The following SNTG2 variants were observed in gnomAD, a reference collection of about 807,000 sequenced individuals.
The protein encoded by SNTG2 is syntrophin gamma 2.
A neutral mutation model predicts 70.9 loss-of-function variants in SNTG2; 74 were observed. The observed-to-expected ratio is 1.04, with a 90% CI of 0.86 to 1.27. The LOEUF is 1.27. SNTG2 is among the 50% of genes most tolerant of loss of function. The pLI, the probability that SNTG2 is intolerant of heterozygous loss-of-function variation, is 0.00. For synonymous variants in SNTG2, 278 were observed against 273.8 expected, an observed-to-expected ratio of 1.02 and a Z score of -0.15; for missense variants, 717 against 690.7, an observed-to-expected ratio of 1.04 and a Z score of -0.43.
chr2:1,151,609 A>G lies in SNTG2; in HGVS notation c.411+13800A>G, dbSNP rs558065960. On this transcript the variant is annotated intron_variant, in intron 6 of 16. Coordinates refer to ENST00000308624, the MANE Select transcript of SNTG2 (RefSeq NM_018968.4). ...GTTTCTTCCACTCTAGGAACCTTCA[A>G]TGCTTTCCTGTTCATATTTAGATTT... Among the ~76,000 whole-genome samples, 112 of 152,132 alleles carry G rather than the reference A, an allele frequency of 7.4e-4. 1 individual carries two copies. Among genetic ancestry groups the G allele is most frequent in the African/African-American group, 2.6e-3 (108 of 41,506 alleles).
chr2:1,292,887 C>G, intron 14 of SNTG2, among the ~76,000 whole-genome samples: 1 of 152,136 alleles, frequency 6.6e-6, no homozygotes, highest in Non-Finnish European at 1.5e-5. Flanking sequence ...ATATCCTTCT[C>G]TTCAGGTTTT....
rs1665482504 is a variant in SNTG2 at position 1,097,631 on chromosome 2, A to G, written c.211-565A>G. Reference sequence around the variant, plus strand: ...TTTTTACCATTTCACTAGCCAGTTAAAGGCCTATTGTGCTTTTAGCTTTTT... The same window carrying G: ...TTTTTACCATTTCACTAGCCAGTTAGAGGCCTATTGTGCTTTTAGCTTTTT... On this transcript the variant is annotated intron_variant, in intron 2 of 16. Coordinates refer to ENST00000308624, the MANE Select transcript of SNTG2 (RefSeq NM_018968.4). This position sits in a 1 kb window ranked among gnomAD's most constrained non-coding sequence, Gnocchi z 4.1. Among the ~76,000 whole-genome samples, 1 of 152,110 alleles carries G rather than the reference A, an allele frequency of 6.6e-6. No homozygotes were observed. Among genetic ancestry groups the G allele is most frequent in the Non-Finnish European group, 1.5e-5 (1 of 68,030 alleles).
At chr2:1,017,832 C>A (rs1290961092) in intron 1 of SNTG2, among the ~76,000 whole-genome samples, 1 of 152,174 alleles carries the variant, frequency 6.6e-6, no homozygotes, top group African/African-American at 2.4e-5. Flanking sequence ...TGGAATGCAT[C>A]AATAACTGTC....
At chr2:1,181,259 CAA>C (rs954066159) in intron 8 of SNTG2, among the ~76,000 whole-genome samples, 11 of 152,152 alleles carry the variant, frequency 7.2e-5, no homozygotes, top group Non-Finnish European at 1.2e-4. Flanking sequence ...TCTTTGCACT[CAA>C]GAGTGTGTTT....
At chr2:1,321,910 CTCCT>C (rs201525220) in intron 16 of SNTG2, among the ~76,000 whole-genome samples, 4,847 of 110,502 alleles carry the variant, frequency 0.044, 104 homozygotes, top group African/African-American at 0.078. Flanking sequence ...TCTTCCTTCC[CTCCT>C]TCCTTCCTTC....
chr2:1,349,664 A>T (rs1353590384), intron 16 of SNTG2, among the ~76,000 whole-genome samples: 1 of 152,124 alleles, frequency 6.6e-6, no homozygotes, highest in Non-Finnish European at 1.5e-5. Context: ...TACTTTTCTC[A>T]CCTTCATAAG....
intron 1 of SNTG2, among the ~76,000 whole-genome samples, chr2:984,534 C>T (rs745451743): frequency 7.2e-5 from 11 of 152,170 alleles, no homozygotes; most frequent in Admixed American, 2.6e-4. Flanking sequence ...CATCCCCTCT[C>T]GTCCTCCCTG....
intron 12 of SNTG2, among the ~76,000 whole-genome samples, chr2:1,257,850 TACTA>T (rs1362309808): frequency 6.6e-6 from 1 of 152,222 alleles, no homozygotes; most frequent in African/African-American, 2.4e-5. Context: ...ATGCTGATAT[TACTA>T]ACTATATTTT....
intron 1 of SNTG2, among the ~76,000 whole-genome samples, chr2:957,356 G>C (rs1273117487): frequency 6.6e-6 from 1 of 152,046 alleles, no homozygotes; most frequent in Non-Finnish European, 1.5e-5. Context: ...GAACGGTGGT[G>C]GGAAGTAGCT....
chr2:1,005,584 G>A (rs1572212838), intron 1 of SNTG2, among the ~76,000 whole-genome samples: 1 of 151,392 alleles, frequency 6.6e-6, no homozygotes, highest in Non-Finnish European at 1.5e-5. Context: ...CGGGTGGATC[G>A]CCTGAGGTCA....
chr2:1,275,962 C>A (rs752636082), intron 14 of SNTG2, among the ~76,000 whole-genome samples: 5 of 152,202 alleles, frequency 3.3e-5, no homozygotes, highest in African/African-American at 9.6e-5. Context: ...AACAAACCAG[C>A]CACAATACTC....
chr2:1,221,499 GTCTCTCTCTCTC>G (rs1024445414), intron 9 of SNTG2, among the ~76,000 whole-genome samples: 2 of 8,276 alleles, frequency 2.4e-4, no homozygotes, highest in African/African-American at 8.1e-4. Context: ...GTCTCTCTCT[GTCTCTCTCTCTC>G]TCTCTGTCTC....
chr2:1,287,573 G>A (rs938340338), intron 14 of SNTG2, among the ~76,000 whole-genome samples: 6 of 152,244 alleles, frequency 3.9e-5, no homozygotes, highest in Admixed American at 1.3e-4. Flanking sequence ...AGCAGCAGGG[G>A]GCCCGGAGTG....
chr2:1,247,731 G>A (rs745740011), intron 12 of SNTG2, among the ~76,000 whole-genome samples: 1 of 152,140 alleles, frequency 6.6e-6, no homozygotes, highest in Non-Finnish European at 1.5e-5. Context: ...CAGAGGCTCT[G>A]TGTCTTAGAG....
intron 16 of SNTG2, among the ~76,000 whole-genome samples, chr2:1,317,348 A>G (rs74367058): frequency 0.039 from 888 of 22,716 alleles, no homozygotes; most frequent in Middle Eastern, 0.071. Flanking sequence ...GGATTCTGGA[A>G]CATTTAGCAT....
At chr2:1,227,651 A>T (rs1452267619) in intron 9 of SNTG2, among the ~76,000 whole-genome samples, 2 of 152,082 alleles carry the variant, frequency 1.3e-5, no homozygotes, top group Non-Finnish European at 2.9e-5. Context: ...GGGGAAGCTG[A>T]GCTTGGGTCT....
At chr2:1,102,892 C>T (rs558874346) in intron 4 of SNTG2, among the ~76,000 whole-genome samples, 10 of 152,208 alleles carry the variant, frequency 6.6e-5, no homozygotes, top group Admixed American at 5.9e-4. Flanking sequence ...TCAGCTCACT[C>T]GCACCTTGAA....
intron 8 of SNTG2, among the ~76,000 whole-genome samples, chr2:1,203,664 A>AAACAAAC (rs1491137031): frequency 1.0e-4 from 6 of 57,222 alleles, no homozygotes; most frequent in African/African-American, 3.4e-4. Flanking sequence ...AAAAACAAAC[A>AAACAAAC]AAAAAAAAAA....
chr2:1,163,105 G>A (rs1670439725), intron 6 of SNTG2: 1 of 151,790 alleles, frequency 6.6e-6, no homozygotes, highest in African/African-American at 2.4e-5. Context: ...GGGCTTTTGA[G>A]GGATCCCAAC....
Sources: gnomAD v4.1 joint callset for allele counts (sites outside exome capture counted in the v4.1 genomes callset) on GRCh38, gnomAD v4.1.1 for gene constraint, Gnocchi (gnomAD v3.1) non-coding constraint, MANE v1.5 for transcripts, NCBI Gene and HGNC (gene_info 2026-07-23, HGNC 2026-07-21) for gene names.